The following TMEM156 variants were observed in gnomAD, a reference collection of about 807,000 sequenced individuals.
The protein encoded by TMEM156 is transmembrane protein 156.
Under a neutral mutation model 30.5 loss-of-function variants are expected in TMEM156, and 28 were observed. The ratio of observed to expected loss-of-function variants is 0.92; its 90% CI spans 0.68 to 1.26. The LOEUF is 1.26. Ranked by LOEUF, TMEM156 falls within the 50% of genes most tolerant of loss-of-function variation. The pLI, the probability that TMEM156 is intolerant of heterozygous loss-of-function variation, is 0.00. For missense variants in TMEM156, 351 were observed against 340.6 expected (o/e 1.03, Z -0.24); for synonymous variants, 137 against 119.9 (o/e 1.14, Z -0.93).
At chr4:38,999,788 T>G (rs941650215) in intron 1 of TMEM156, among the ~76,000 whole-genome samples, 13 of 152,200 alleles carry the variant, frequency 8.5e-5, no homozygotes, top group Non-Finnish European at 1.8e-4. Flanking sequence ...AATCTCTGTC[T>G]CCATAGTCAT....
At chr4:38,990,927 G>A (rs28409020) in intron 3 of TMEM156, among the ~76,000 whole-genome samples, 75,066 of 140,384 alleles carry the variant, frequency 0.53, 19,844 homozygotes, top group East Asian at 0.72. Context: ...TCCACCTCCC[G>A]GGTTCAAGCG....
At chr4:38,971,811 C>T (rs1213074509) in intron 5 of TMEM156, among the ~76,000 whole-genome samples, 1 of 151,326 alleles carries the variant, frequency 6.6e-6, no homozygotes, top group South Asian at 2.1e-4. Context: ...TTTTTTAAGA[C>T]AGAGTTTCGC....
chr4:38,985,621 G>A (rs1048149180), intron 5 of TMEM156, among the ~76,000 whole-genome samples: 4 of 152,074 alleles, frequency 2.6e-5, no homozygotes, highest in African/African-American at 7.2e-5. Flanking sequence ...CACAAAGTAC[G>A]AAGGCACCTA....
intron 1 of TMEM156, among the ~76,000 whole-genome samples, chr4:39,000,237 C>T (rs763655901): frequency 1.3e-5 from 2 of 151,978 alleles, no homozygotes; most frequent in African/African-American, 2.4e-5. Context: ...ACAAAAAATA[C>T]AAAAATTAGC....
chr4:38,995,672 G>A (rs937373235), intron 2 of TMEM156, among the ~76,000 whole-genome samples: 1 of 152,088 alleles, frequency 6.6e-6, no homozygotes. Context: ...CCAAGATCAC[G>A]CCACTGCACT....
intron 6 of TMEM156, 43 bp from the exon 7 acceptor site, chr4:38,967,684 A>G (rs778300667): frequency 2.6e-5 from 4 of 152,218 alleles, no homozygotes; most frequent in Non-Finnish European, 5.9e-5. Context: ...TTCACACAAA[A>G]ATTTTGTTAA....
In TMEM156 at chr4:38,998,720, TCA is replaced by T; in HGVS notation, c.276_277del (p.Glu93IlefsTer2). 6.2e-7 allele frequency: 1 copy of T among 1,613,932 alleles called. No homozygotes were observed. The highest frequency in any genetic ancestry group is 1.1e-5 in the South Asian group (1 of 91,070). Reference sequence around the variant, plus strand: ...CAAACACGAGGAGCACATTTTAAATTCACCTGTGATGTCTTGGCAAGTCCTGG... The same window carrying T: ...CAAACACGAGGAGCACATTTTAAATTCCTGTGATGTCTTGGCAAGTCCTGG... On this transcript the variant is annotated frameshift_variant, in exon 2 of 7. Transcript: ENST00000381938. LOFTEE classifies it high-confidence loss of function.
rs563998594 is a variant in TMEM156, at chr4:39,006,048, G to A, written c.89-7139C>T. 5.3e-5 allele frequency among the ~76,000 whole-genome samples: 8 copies of A among 152,022 alleles called. No individual in the cohort carries two copies. In the South Asian group the frequency reaches 1.2e-3, roughly 24 times the overall value. On this transcript the variant is annotated intron_variant, in intron 1 of 6. Transcript: ENST00000381938. Reference sequence around the variant, plus strand: ...GTAGCTGGGATTACAGGCATCTGCCGCCATGCCTGGCTAATTTTTGTATTT... The same window carrying A: ...GTAGCTGGGATTACAGGCATCTGCCACCATGCCTGGCTAATTTTTGTATTT...
At chr4:38,979,657 C>A (rs1723080216) in intron 5 of TMEM156, among the ~76,000 whole-genome samples, 2 of 152,168 alleles carry the variant, frequency 1.3e-5, no homozygotes, top group Non-Finnish European at 2.9e-5. Flanking sequence ...TTGGGAGATG[C>A]AGCCATCATG....
chr4:39,029,806 T>C (rs1715412634), intron 1 of TMEM156, among the ~76,000 whole-genome samples: 1 of 151,812 alleles, frequency 6.6e-6, no homozygotes, highest in Non-Finnish European at 1.5e-5. Context: ...TATGGGACTA[T>C]ATTAAATGAG....
chr4:38,970,060 T>C (rs1243257942), intron 6 of TMEM156, among the ~76,000 whole-genome samples: 1 of 152,198 alleles, frequency 6.6e-6, no homozygotes, highest in African/African-American at 2.4e-5. Context: ...TTCTCTCTTT[T>C]CAGGGTGACC....
chr4:38,972,293 G>T (rs562999933), intron 5 of TMEM156, among the ~76,000 whole-genome samples: 1 of 111,214 alleles, frequency 9.0e-6, no homozygotes, highest in African/African-American at 3.6e-5. Flanking sequence ...TCACTCTGTC[G>T]CCCAGGCTAG....
At position 38,967,606 on chromosome 4, in the gene TMEM156, C is replaced by T. The variant is rs1297324564; in HGVS notation, c.*74G>A. The T allele has an allele frequency of 6.6e-6, 1 of 152,214 alleles. No individual in the cohort carries two copies. The highest frequency in any genetic ancestry group is 1.5e-5 in the Non-Finnish European group (1 of 68,040). 9.4% of individuals were successfully genotyped at this position (152,214 alleles called of 1,614,324 possible). On this transcript the variant is annotated 3_prime_UTR_variant, in exon 7 of 7. Coordinates refer to ENST00000381938, the MANE Select transcript of TMEM156 (RefSeq NM_024943.3). ...TTCACAAAATAAACTTCTGAGTATT[C>T]TTCAAAGGGCTCGGTCCAACTTGCC...
intron 5 of TMEM156, among the ~76,000 whole-genome samples, chr4:38,984,084 C>G (rs1331044497): frequency 2.0e-5 from 3 of 152,180 alleles, no homozygotes; most frequent in Non-Finnish European, 2.9e-5. Context: ...CATAAGCTGT[C>G]ACGCTTCTCA....
At chr4:38,974,430 A>G (rs139625673) in intron 5 of TMEM156, among the ~76,000 whole-genome samples, 7 of 152,176 alleles carry the variant, frequency 4.6e-5, no homozygotes, top group African/African-American at 1.7e-4. Context: ...GTTTATTTCA[A>G]AAATAGAATT....
chr4:39,007,235 C>T (rs903474914), intron 1 of TMEM156, among the ~76,000 whole-genome samples: 2 of 151,982 alleles, frequency 1.3e-5, no homozygotes, highest in African/African-American at 2.4e-5. Flanking sequence ...GAAAAAGTCC[C>T]GTCGCCTTGT....
chr4:39,029,213 ATAATT>A (rs1316730186), intron 1 of TMEM156, among the ~76,000 whole-genome samples: 2 of 152,110 alleles, frequency 1.3e-5, no homozygotes, highest in African/African-American at 2.4e-5. Flanking sequence ...GTATCAGTGA[ATAATT>A]TATAAGTAAA....
rs543900206 is a variant in TMEM156 at position 38,978,639 on chromosome 4, C to T, written c.824-7502G>A. On this transcript the variant is annotated intron_variant, in intron 5 of 6. Transcript: ENST00000381938. Reference sequence around the variant, plus strand: ...GATTTTAATCTATAAAATCAGCACACGATCAGCACACAGACACACAAATTC... The same window carrying T: ...GATTTTAATCTATAAAATCAGCACATGATCAGCACACAGACACACAAATTC... Among the ~76,000 whole-genome samples the T allele has an allele frequency of 4.6e-5, 7 of 152,252 alleles. No homozygotes were observed. In the South Asian group the frequency reaches 6.2e-4, roughly 14 times the overall value.
At chr4:39,023,435 T>C (rs953838010) in intron 1 of TMEM156, among the ~76,000 whole-genome samples, 1 of 152,136 alleles carries the variant, frequency 6.6e-6, no homozygotes, top group Admixed American at 6.6e-5. Flanking sequence ...AATAACCCAA[T>C]AGATAAAGGG....
Sources: gnomAD v4.1 joint callset for allele counts (sites outside exome capture counted in the v4.1 genomes callset) on GRCh38, gnomAD v4.1.1 for gene constraint, MANE v1.5 for transcripts, NCBI Gene and HGNC (gene_info 2026-07-23, HGNC 2026-07-21) for gene names.